The following RANBP2 variants were observed in gnomAD, a reference collection of about 807,000 sequenced individuals.
RANBP2 encodes the protein RAN binding protein 2.
In RANBP2, 57 loss-of-function variants were observed where a neutral mutation model predicts 303.6. That is an observed-to-expected ratio of 0.19 (90% CI 0.15 to 0.23). RANBP2 has a LOEUF of 0.23. Ranked by LOEUF, RANBP2 falls within the 10% of genes least tolerant of loss-of-function variation. The probability of loss-of-function intolerance (pLI) is 1.00; values close to 1 mark genes in which losing one functional copy is unlikely to be tolerated. For synonymous variants in RANBP2, 1,167 were observed against 1,301.5 expected (o/e 0.90, Z 2.23); for missense variants, 3,138 against 3,780.8 (o/e 0.83, Z 4.46).
the RANBP2 span, among the ~76,000 whole-genome samples, chr2:109,324,687 A>G: frequency 6.6e-6 from 1 of 151,998 alleles, no homozygotes; most frequent in Non-Finnish European, 1.5e-5. Context: ...TGGATCCCAA[A>G]GCTGTGGATC....
the RANBP2 span, among the ~76,000 whole-genome samples, chr2:108,904,703 A>C: frequency 3.3e-5 from 5 of 152,208 alleles, no homozygotes; most frequent in African/African-American, 1.2e-4. Flanking sequence ...GAGTGAAAAA[A>C]GCCATTCACC....
chr2:109,428,515 CT>C, the RANBP2 span, among the ~76,000 whole-genome samples: 51 of 152,352 alleles, frequency 3.3e-4, no homozygotes, highest in African/African-American at 1.2e-3. Context: ...TGGTGAGCCC[CT>C]GGCCCCATGC....
the RANBP2 span, among the ~76,000 whole-genome samples, chr2:109,511,150 C>T: frequency 6.6e-6 from 1 of 152,352 alleles, no homozygotes; most frequent in Admixed American, 6.5e-5. Context: ...CACTGGCAGT[C>T]TGGCTCCAAA....
chr2:108,748,197 TG>T (rs1349275703), intron 8 of RANBP2, among the ~76,000 whole-genome samples: 3 of 151,808 alleles, frequency 2.0e-5, no homozygotes, highest in African/African-American at 7.3e-5. Flanking sequence ...GAACGAGGCC[TG>T]GAAATAATTC....
At chr2:108,896,727 T>TTATC in the RANBP2 span, 2 of 634,582 alleles carry the variant, frequency 3.2e-6, no homozygotes, top group Non-Finnish European at 5.4e-6. Context: ...CTCTAGTCCT[T>TTATC]TATCTTTGGT....
the RANBP2 span, chr2:109,574,651 T>A: frequency 6.2e-7 from 1 of 1,607,782 alleles, no homozygotes; most frequent in Non-Finnish European, 8.5e-7. Flanking sequence ...TGAAATGAAG[T>A]AGAGACACAC....
At chr2:109,517,648 G>GCCC in the RANBP2 span, among the ~76,000 whole-genome samples, 8 of 152,208 alleles carry the variant, frequency 5.3e-5, no homozygotes, top group Non-Finnish European at 1.0e-4. Flanking sequence ...AGACCCCACG[G>GCCC]CTGTCTGCCT....
the RANBP2 span, among the ~76,000 whole-genome samples, chr2:109,354,191 G>A: frequency 6.6e-6 from 1 of 152,216 alleles, no homozygotes; most frequent in East Asian, 1.9e-4. Context: ...GCGACACAGA[G>A]TGGGTTGGGC....
the RANBP2 span, among the ~76,000 whole-genome samples, chr2:109,162,285 T>C: frequency 1.3e-5 from 2 of 152,230 alleles, no homozygotes; most frequent in African/African-American, 4.8e-5. Flanking sequence ...TTAAAATTCC[T>C]AAAAGGCGCT....
At chr2:109,273,602 A>G in the RANBP2 span, among the ~76,000 whole-genome samples, 1 of 152,220 alleles carries the variant, frequency 6.6e-6, no homozygotes, top group Non-Finnish European at 1.5e-5. Context: ...GTGGTGGGAC[A>G]GGCTTAGAGT....
At chr2:109,013,482 C>T in the RANBP2 span, among the ~76,000 whole-genome samples, 38 of 152,170 alleles carry the variant, frequency 2.5e-4, no homozygotes, top group African/African-American at 8.9e-4. Context: ...AGTACAAATA[C>T]ATCATTAGAA....
At chr2:109,115,149 C>T in the RANBP2 span, among the ~76,000 whole-genome samples, 1 of 152,164 alleles carries the variant, frequency 6.6e-6, no homozygotes, top group South Asian at 2.1e-4. Context: ...ATTAGGTCCG[C>T]TTGGTGCAGA....
the RANBP2 span, among the ~76,000 whole-genome samples, chr2:109,180,765 T>C: frequency 6.6e-6 from 1 of 152,200 alleles, no homozygotes; most frequent in Non-Finnish European, 1.5e-5. Flanking sequence ...ATTAAACCTC[T>C]TTATTTTGTA....
chr2:109,486,469 G>A, the RANBP2 span, among the ~76,000 whole-genome samples: 7 of 152,194 alleles, frequency 4.6e-5, no homozygotes, highest in African/African-American at 1.7e-4. Context: ...CTAGGTCCTA[G>A]GTATTTCGTA....
chr2:108,826,461 T>A, the RANBP2 span, among the ~76,000 whole-genome samples: 1 of 152,162 alleles, frequency 6.6e-6, no homozygotes, highest in Non-Finnish European at 1.5e-5. Context: ...GTAACCTCAT[T>A]TTTTACCTGT....
chr2:109,521,790 G>C, the RANBP2 span, among the ~76,000 whole-genome samples: 3 of 152,246 alleles, frequency 2.0e-5, no homozygotes, highest in Non-Finnish European at 4.4e-5. Context: ...TCTCCTTGGG[G>C]GTTGTGCTTT....
chr2:109,684,866 A>AAATT, the RANBP2 span, among the ~76,000 whole-genome samples: 1 of 149,552 alleles, frequency 6.7e-6, no homozygotes, highest in Non-Finnish European at 1.5e-5. Context: ...AAATTAAATT[A>AAATT]AATTAATTAA....
At chr2:108,735,218 G>C (rs973605774) in intron 4 of RANBP2, among the ~76,000 whole-genome samples, 4 of 152,164 alleles carry the variant, frequency 2.6e-5, no homozygotes, top group Non-Finnish European at 4.4e-5. Context: ...TGTTGCTGAG[G>C]ATTGACTGGG....
chr2:109,117,604 C>T, the RANBP2 span, among the ~76,000 whole-genome samples: 3 of 152,210 alleles, frequency 2.0e-5, no homozygotes, highest in Admixed American at 1.3e-4. Context: ...GGCAATGCCT[C>T]GCCCTGCTTC....
Sources: allele counts gnomAD v4.1 joint callset (sites outside exome capture counted in the v4.1 genomes callset), GRCh38; gene constraint gnomAD v4.1.1; transcripts MANE v1.5; gene names NCBI Gene and HGNC (gene_info 2026-07-23, HGNC 2026-07-21).